The following PHKA1 variants were observed in gnomAD, a reference collection of about 807,000 sequenced individuals.
PHKA1 encodes the protein phosphorylase b kinase regulatory subunit alpha, skeletal muscle isoform.
A neutral mutation model predicts 110.2 loss-of-function variants in PHKA1; 60 were observed. The ratio of observed to expected loss-of-function variants is 0.54; its 90% CI spans 0.44 to 0.68. PHKA1 has a LOEUF of 0.68. Ranked by LOEUF, PHKA1 falls within the 30% of genes least tolerant of loss-of-function variation. The probability of loss-of-function intolerance (pLI) is 0.00; values close to 1 mark genes in which losing one functional copy is unlikely to be tolerated. For synonymous variants in PHKA1, 316 were observed against 333.6 expected, an observed-to-expected ratio of 0.95 and a Z score of 0.58; for missense variants, 801 against 942.5, an observed-to-expected ratio of 0.85 and a Z score of 1.97.
chrX:72,614,264 T>C (rs930029582), intron 21 of PHKA1, among the ~76,000 whole-genome samples: 1 of 109,404 alleles, frequency 9.1e-6, no homozygotes, highest in Non-Finnish European at 1.9e-5. Flanking sequence ...TGTGATTGAG[T>C]ATAGATGATG....
At chrX:72,616,308 C>G (rs965394339) in intron 21 of PHKA1, among the ~76,000 whole-genome samples, 24 of 112,202 alleles carry the variant, frequency 2.1e-4, no homozygotes, top group African/African-American at 7.1e-4. Flanking sequence ...TTTGAGACTA[C>G]AGTGAGCCAT....
intron 5 of PHKA1, among the ~76,000 whole-genome samples, chrX:72,681,379 A>C (rs868907850): frequency 1.1e-4 from 10 of 93,941 alleles, no homozygotes; most frequent in Admixed American, 4.5e-4. Flanking sequence ...CAGCCACCCC[A>C]TCTGGGAGGG....
At chrX:72,680,118 G>A (rs782795544) in intron 5 of PHKA1, among the ~76,000 whole-genome samples, 2 of 110,569 alleles carry the variant, frequency 1.8e-5, no homozygotes, top group East Asian at 2.8e-4. Context: ...GGGTTCAAGC[G>A]ATTCTCCTGC....
Position 72,597,774 on chromosome X carries a change from C to T in PHKA1, c.3072+4217G>A, listed in dbSNP as rs192649179. Reference sequence around the variant, plus strand: ...CTTGTACCCTTTAGGTGTAATAAACCGTAGCAGTGAGTATGACTATATGCT... The same window carrying T: ...CTTGTACCCTTTAGGTGTAATAAACTGTAGCAGTGAGTATGACTATATGCT... On this transcript the variant is annotated intron_variant, in intron 28 of 31. Transcript: ENST00000373542. 2.1e-4 allele frequency among the ~76,000 whole-genome samples: 23 copies of T among 111,608 alleles called. No homozygotes were observed. In the East Asian group the frequency reaches 4.2e-3, roughly 20 times the overall value.
rs782222298 is a variant in PHKA1, at chrX:72,620,713, G to A, written c.2137+12C>T. ...CCTGTGCCTGACTCTGGTGAGTCAC[G>A]GCATTACTCACTCTGTACATGCAGT... On this transcript the variant is annotated intron_variant, in intron 19 of 31. Transcript: ENST00000373542. 10 of 1,195,336 alleles carry A rather than the reference G, an allele frequency of 8.4e-6. No homozygotes were observed. Among genetic ancestry groups the A allele is most frequent in the East Asian group, 5.9e-5 (2 of 33,652 alleles).
chrX:72,610,597 C>G (rs1556258784), intron 22 of PHKA1, among the ~76,000 whole-genome samples: 1 of 111,620 alleles, frequency 9.0e-6, no homozygotes. Flanking sequence ...TTGTAGATAT[C>G]TCTCCCATAT....
chrX:72,584,995 C>T lies in PHKA1; in HGVS notation c.3244-693G>A, dbSNP rs3788795. ...CAATTCCCACCTATGAGTGAGAACA[C>T]GCGGTGTTTGGTTTTCTGTCCTTGC... On this transcript the variant is annotated intron_variant, in intron 29 of 31. Coordinates refer to ENST00000373542, the MANE Select transcript of PHKA1 (RefSeq NM_002637.4). Among the ~76,000 whole-genome samples, 6,356 of 102,729 alleles carry T rather than the reference C, an allele frequency of 0.062. 783 individuals carry two copies. In the East Asian group the frequency reaches 0.67, roughly 11 times the overall value. 89.2% of individuals were successfully genotyped at this position (102,729 alleles called of 115,157 possible). A position where few individuals can be genotyped will look rare whatever the true frequency, so the allele number is the denominator to read the frequency against.
chrX:72,615,752 G>GGGAAGGAAGGAAGGAAGGAA (rs563484322), intron 21 of PHKA1, among the ~76,000 whole-genome samples: 1 of 33,450 alleles, frequency 3.0e-5, no homozygotes, highest in South Asian at 3.0e-3. Context: ...GAAGGAGGGG[G>GGGAAGGAAGGAAGGAAGGAA]GGAAGGAAGG....
chrX:72,671,831 T>C (rs1289843662), intron 6 of PHKA1, among the ~76,000 whole-genome samples: 2 of 111,525 alleles, frequency 1.8e-5, no homozygotes, highest in East Asian at 2.8e-4. Flanking sequence ...AAACAAGCAA[T>C]GGGGAAAGGA....
chrX:72,669,851 G>A (rs1465383683), intron 6 of PHKA1, among the ~76,000 whole-genome samples: 5 of 110,640 alleles, frequency 4.5e-5, no homozygotes, highest in African/African-American at 9.9e-5. Flanking sequence ...ACGGGTGCAC[G>A]TGTCTTTATA....
chrX:72,592,943 A>C (rs2052541370), intron 29 of PHKA1, among the ~76,000 whole-genome samples, 161 bp downstream of exon 29: 1 of 112,657 alleles, frequency 8.9e-6, no homozygotes, highest in African/African-American at 3.2e-5. Flanking sequence ...CCACAATAAC[A>C]AATCAACTGT....
intron 5 of PHKA1, among the ~76,000 whole-genome samples, chrX:72,682,803 C>G (rs1413983081): frequency 1.2e-5 from 1 of 80,013 alleles, no homozygotes; most frequent in Non-Finnish European, 2.4e-5. Flanking sequence ...GCCGCAGGGT[C>G]CTCTGCCTAG....
chrX:72,619,169 C>T (rs781899333), intron 20 of PHKA1, 45 bp downstream of exon 20: 36 of 780,703 alleles, frequency 4.6e-5, no homozygotes, highest in Non-Finnish European at 6.5e-5. Context: ...ATAAAGATGG[C>T]AGTTTTTCAA....
At chrX:72,672,243 G>A (rs2053714590) in intron 6 of PHKA1, among the ~76,000 whole-genome samples, 1 of 112,064 alleles carries the variant, frequency 8.9e-6, no homozygotes, top group Admixed American at 9.4e-5. Context: ...CCCCAGGCCT[G>A]TCCCCTGAAA....
intron 13 of PHKA1, among the ~76,000 whole-genome samples, chrX:72,645,200 G>A (rs1302963900): frequency 8.9e-6 from 1 of 111,811 alleles, no homozygotes; most frequent in Non-Finnish European, 1.9e-5. Flanking sequence ...TTCGCTATAT[G>A]GAACAGACAC....
At chrX:72,662,364 G>T (rs1556304550) in intron 8 of PHKA1, among the ~76,000 whole-genome samples, 1 of 111,675 alleles carries the variant, frequency 9.0e-6, no homozygotes, top group Non-Finnish European at 1.9e-5. Flanking sequence ...ACAGGTGGCT[G>T]CAGTGCCATG....
intron 18 of PHKA1, among the ~76,000 whole-genome samples, chrX:72,621,465 T>C (rs1556277678): frequency 8.9e-6 from 1 of 111,863 alleles, no homozygotes; most frequent in Non-Finnish European, 1.9e-5. Context: ...CCCATATACC[T>C]TCTATAACAT....
At chrX:72,694,695 A>C (rs1329266483) in intron 4 of PHKA1, among the ~76,000 whole-genome samples, 1 of 112,196 alleles carries the variant, frequency 8.9e-6, no homozygotes, top group Non-Finnish European at 1.9e-5. Context: ...GTCAGGAATC[A>C]ATAAACATTT....
At chrX:72,709,274 A>G (rs1404236533) in intron 2 of PHKA1, among the ~76,000 whole-genome samples, 2 of 110,373 alleles carry the variant, frequency 1.8e-5, no homozygotes, top group African/African-American at 3.3e-5. Flanking sequence ...CCATGAATGC[A>G]AAGAGATATC....
Sources: allele counts gnomAD v4.1 joint callset (sites outside exome capture counted in the v4.1 genomes callset), GRCh38; gene constraint gnomAD v4.1.1; transcripts MANE v1.5; gene names NCBI Gene and HGNC (gene_info 2026-07-23, HGNC 2026-07-21).